SLC8A1: variants seen among roughly 807,000 people sequenced by gnomAD.
SLC8A1 encodes sodium/calcium exchanger 1.
A neutral mutation model predicts 68.3 loss-of-function variants in SLC8A1; 18 were observed. The ratio of observed to expected loss-of-function variants is 0.26; its 90% CI spans 0.18 to 0.39. SLC8A1 has a LOEUF of 0.39. Ranked by LOEUF, SLC8A1 falls within the 10% of genes least tolerant of loss-of-function variation. The pLI is 1.00. For missense variants in SLC8A1, 985 were observed against 1,156.7 expected, an observed-to-expected ratio of 0.85 and a Z score of 2.15; for synonymous variants, 475 against 415.5, an observed-to-expected ratio of 1.14 and a Z score of -1.74.
At chr2:40,316,104 G>A (rs549219048) in intron 2 of SLC8A1, among the ~76,000 whole-genome samples, 4 of 152,202 alleles carry the variant, frequency 2.6e-5, no homozygotes, top group African/African-American at 9.6e-5. Context: ...GACAACCTCT[G>A]TGGGTACCTC....
intron 2 of SLC8A1, among the ~76,000 whole-genome samples, chr2:40,373,050 C>A (rs1374024462): frequency 1.5e-4 from 11 of 72,490 alleles, no homozygotes; most frequent in African/African-American, 6.1e-4. Flanking sequence ...AAAATTCAAA[C>A]TATGTCCTAG....
intron 2 of SLC8A1, among the ~76,000 whole-genome samples, chr2:40,342,211 C>T (rs933111173): frequency 1.3e-5 from 2 of 152,070 alleles, no homozygotes; most frequent in African/African-American, 4.8e-5. Flanking sequence ...TAGATATTAA[C>T]TACTCGTATC....
intron 2 of SLC8A1, among the ~76,000 whole-genome samples, chr2:40,287,171 T>G (rs969627116): frequency 6.6e-6 from 1 of 152,210 alleles, no homozygotes; most frequent in East Asian, 1.9e-4. Flanking sequence ...AGTCTGTCAG[T>G]AAATATTTAC....
chr2:40,304,805 C>T (rs1267765671), intron 2 of SLC8A1, among the ~76,000 whole-genome samples: 2 of 152,090 alleles, frequency 1.3e-5, no homozygotes, highest in Non-Finnish European at 2.9e-5. Context: ...GTTTTCTGGG[C>T]TCAGCGATGC....
chr2:40,265,932 C>A (rs995702679), intron 2 of SLC8A1, among the ~76,000 whole-genome samples: 3 of 152,110 alleles, frequency 2.0e-5, no homozygotes, highest in Admixed American at 1.3e-4. Flanking sequence ...CCTTCCAAGG[C>A]CAAATGCTTC....
At chr2:40,427,799 T>TA (rs1265463597) in intron 2 of SLC8A1, among the ~76,000 whole-genome samples, 1 of 152,122 alleles carries the variant, frequency 6.6e-6, no homozygotes, top group African/African-American at 2.4e-5. Context: ...ATCAGTGGGG[T>TA]ACAGGGTTTG....
intron 2 of SLC8A1, among the ~76,000 whole-genome samples, chr2:40,275,881 G>T (rs991835661): frequency 6.6e-6 from 1 of 152,112 alleles, no homozygotes; most frequent in Non-Finnish European, 1.5e-5. Context: ...TCCTATTCCA[G>T]GCTTGAGGGC....
intron 1 of SLC8A1, among the ~76,000 whole-genome samples, chr2:40,500,038 T>C (rs569280514): frequency 3.0e-4 from 46 of 152,214 alleles, no homozygotes; most frequent in African/African-American, 1.1e-3. Flanking sequence ...TAGTGTGTTG[T>C]TGTTTCTAGA....
chr2:40,327,079 T>A (rs2075906946), intron 2 of SLC8A1, among the ~76,000 whole-genome samples: 1 of 152,206 alleles, frequency 6.6e-6, no homozygotes, highest in African/African-American at 2.4e-5. Context: ...CTACTTACAA[T>A]TCTACTACTG....
In SLC8A1 at chr2:40,442,397, CA is replaced by C. The variant is rs550977492; in HGVS notation, c.-25+9506del. Among the ~76,000 whole-genome samples, 480 of 75,742 alleles carry C rather than the reference CA, an allele frequency of 6.3e-3. 1 individual carries two copies. Among genetic ancestry groups the C allele is most frequent in the East Asian group, 0.027 (61 of 2,220 alleles). 49.7% of individuals were successfully genotyped at this position (75,742 alleles called of 152,430 possible). On this transcript the variant is annotated intron_variant, in intron 1 of 7. Coordinates refer to ENST00000406785, the Ensembl canonical transcript of SLC8A1. ...GGAATCTACAAGGAACTTAAATTTA[CA>C]AAAAAAAAAAAAAAGAAAAAACATC...
intron 2 of SLC8A1, among the ~76,000 whole-genome samples, chr2:40,250,773 G>A (rs552268924): frequency 6.6e-6 from 1 of 152,182 alleles, no homozygotes; most frequent in Non-Finnish European, 1.5e-5. Flanking sequence ...AGAATTTGGG[G>A]TTTGGGGAAA....
At chr2:40,472,793 C>T (rs532827901) in intron 1 of SLC8A1, among the ~76,000 whole-genome samples, 9 of 152,252 alleles carry the variant, frequency 5.9e-5, no homozygotes, top group South Asian at 2.1e-4. Flanking sequence ...TCTAAACTTA[C>T]GGATTACTAG....
chr2:40,347,080 G>A (rs894649405), intron 2 of SLC8A1, among the ~76,000 whole-genome samples: 1 of 152,190 alleles, frequency 6.6e-6, no homozygotes, highest in Non-Finnish European at 1.5e-5. Flanking sequence ...ACTTTGTATA[G>A]AAGGTTGGTG....
intron 2 of SLC8A1, among the ~76,000 whole-genome samples, chr2:40,207,635 A>G (rs1221282189): frequency 6.6e-6 from 1 of 152,194 alleles, no homozygotes; most frequent in Non-Finnish European, 1.5e-5. Context: ...TGAAAATAAT[A>G]TAAAATGATT....
Position 40,501,547 on chromosome 2 carries a change from CT to C in SLC8A1, c.-25+10801del, listed in dbSNP as rs1379280277. 5.3e-5 allele frequency among the ~76,000 whole-genome samples: 8 copies of C among 152,192 alleles called. No individual in the cohort carries two copies. In the East Asian group the frequency reaches 1.5e-3, roughly 29 times the overall value. ...TTTGATGAATATGGATGCAATCTACCTTTCTTTGGGAAATGTATCTGTAACT... is the reference window on the plus strand; with the variant it reads ...TTTGATGAATATGGATGCAATCTACCTTCTTTGGGAAATGTATCTGTAACT... On this transcript the variant is annotated intron_variant, in intron 1 of 7. Coordinates refer to the SLC8A1 transcript ENST00000402441.
intron 2 of SLC8A1, among the ~76,000 whole-genome samples, chr2:40,190,308 G>A (rs2051543361): frequency 6.6e-6 from 1 of 152,062 alleles, no homozygotes; most frequent in Non-Finnish European, 1.5e-5. Context: ...AAATCTCCCT[G>A]TTCACTTCTC....
chr2:40,131,858 ATTTTTTTTTTTTT>A (rs71404277), intron 7 of SLC8A1, among the ~76,000 whole-genome samples: 7 of 95,558 alleles, frequency 7.3e-5, no homozygotes, highest in Admixed American at 6.2e-4. Context: ...TTGGTATTCT[ATTTTTTTTTTTTT>A]TTTTTTTTTT....
intron 2 of SLC8A1, among the ~76,000 whole-genome samples, chr2:40,252,274 G>A (rs1384778109): frequency 1.3e-5 from 2 of 152,034 alleles, no homozygotes; most frequent in African/African-American, 2.4e-5. Flanking sequence ...AAAATATAAA[G>A]CAGCTCTTTC....
exon 8 of SLC8A1, chr2:40,100,882 T>G (rs2033852704): frequency 6.6e-6 from 1 of 152,102 alleles, no homozygotes; most frequent in Non-Finnish European, 1.5e-5. Context: ...ACAAGTTTGG[T>G]TTCTCCTAAG....
Sources: allele counts gnomAD v4.1 joint callset (sites outside exome capture counted in the v4.1 genomes callset), GRCh38; gene constraint gnomAD v4.1.1; transcripts MANE v1.5; gene names NCBI Gene and HGNC (gene_info 2026-07-23, HGNC 2026-07-21).